Variants in GALNTL6 observed in about 807,000 individuals in gnomAD.
GALNTL6 encodes polypeptide N-acetylgalactosaminyltransferase-like 6.
Under a neutral mutation model 73.7 loss-of-function variants are expected in GALNTL6, and 46 were observed. The ratio of observed to expected loss-of-function variants is 0.62; its 90% confidence interval spans 0.49 to 0.80. GALNTL6 has a LOEUF of 0.80. GALNTL6 is among the 30% of genes least tolerant of loss of function. The probability of loss-of-function intolerance (pLI) is 0.00; values close to 1 mark genes in which losing one functional copy is unlikely to be tolerated. For synonymous variants in GALNTL6, 259 were observed against 263.7 expected (o/e 0.98, Z 0.17); for missense variants, 604 against 755.0 (o/e 0.80, Z 2.34).
intron 7 of GALNTL6, among the ~76,000 whole-genome samples, chr4:172,827,635 G>A (rs1051287873): frequency 4.6e-5 from 7 of 151,976 alleles, no homozygotes; most frequent in African/African-American, 1.5e-4. Flanking sequence ...TCATGTTCCC[G>A]CTTTCAACAA....
intron 2 of GALNTL6, among the ~76,000 whole-genome samples, chr4:171,995,072 T>C (rs114670779): frequency 0.015 from 2,319 of 152,014 alleles, 61 homozygotes; most frequent in African/African-American, 0.053. Context: ...CATAAAATTA[T>C]AGAAAATTAT....
At chr4:172,219,223 A>ATATATATATATATATATATATATATT (rs56923371) in intron 2 of GALNTL6, among the ~76,000 whole-genome samples, 1 of 142,014 alleles carries the variant, frequency 7.0e-6, no homozygotes, top group South Asian at 2.2e-4. Flanking sequence ...ATATATATAT[A>ATATATATATATATATATATATATATT]ATCCTTCTGT....
At chr4:172,095,674 T>TTTG (rs140333191) in intron 2 of GALNTL6, among the ~76,000 whole-genome samples, 2,698 of 152,138 alleles carry the variant, frequency 0.018, 69 homozygotes, top group African/African-American at 0.058. Flanking sequence ...GAATAATGGC[T>TTTG]TTTGAAACAA....
intron 5 of GALNTL6, among the ~76,000 whole-genome samples, chr4:172,806,191 G>A (rs941570921): frequency 5.3e-5 from 8 of 152,078 alleles, no homozygotes; most frequent in African/African-American, 1.9e-4. Context: ...ACCCCTCAAA[G>A]TGCAGTCAAC....
chr4:172,034,399 CGTGTGTGTGTGT>C (rs1209195765), intron 2 of GALNTL6, among the ~76,000 whole-genome samples: 1 of 33,426 alleles, frequency 3.0e-5, no homozygotes, highest in African/African-American at 9.6e-5. Context: ...AGCGTGCGTG[CGTGTGTGTGTGT>C]GTGTGTGTGT....
At chr4:172,985,200 G>A (rs1045415261) in intron 10 of GALNTL6, among the ~76,000 whole-genome samples, 2 of 151,988 alleles carry the variant, frequency 1.3e-5, no homozygotes, top group African/African-American at 4.8e-5. Flanking sequence ...AAGTGCCTTC[G>A]ACAATATAGC....
chr4:172,498,494 A>T (rs1734149347), intron 5 of GALNTL6, among the ~76,000 whole-genome samples: 1 of 152,170 alleles, frequency 6.6e-6, no homozygotes, highest in Non-Finnish European at 1.5e-5. Context: ...AGTAATTTTT[A>T]TATGTATGTT....
intron 7 of GALNTL6, among the ~76,000 whole-genome samples, chr4:172,815,802 A>G (rs1000447589): frequency 1.3e-5 from 2 of 152,152 alleles, no homozygotes; most frequent in Non-Finnish European, 2.9e-5. Context: ...GCATTCATCT[A>G]TTGCATATTA....
At chr4:171,860,787 C>T (rs758729018) in intron 2 of GALNTL6, among the ~76,000 whole-genome samples, 6 of 152,148 alleles carry the variant, frequency 3.9e-5, no homozygotes, top group Non-Finnish European at 7.4e-5. Flanking sequence ...TCCTGGAATG[C>T]AGCCCTTAAT....
chr4:171,814,501 A>G lies in GALNTL6; in HGVS notation c.-80A>G. On this transcript the variant is annotated 5_prime_UTR_variant, in exon 2 of 13. Coordinates refer to ENST00000506823, the MANE Select transcript of GALNTL6 (RefSeq NM_001034845.3). The stretch of plus-strand genomic sequence containing the variant: ...CAGTTTCTGGTGCTTCGCAGGGGAG[A>G]GGAAAGGAATTTGACATTAAACACA... 1 of 1,475,906 alleles carries G rather than the reference A, an allele frequency of 6.8e-7. No individual in the cohort carries two copies. Among genetic ancestry groups the G allele is most frequent in the Non-Finnish European group, 9.4e-7 (1 of 1,066,866 alleles). The allele number at this position is 1,475,906 out of a possible 1,614,324, so 91.4% of individuals were successfully genotyped here.
At chr4:172,413,022 G>T (rs897894323) in intron 5 of GALNTL6, among the ~76,000 whole-genome samples, 1 of 152,132 alleles carries the variant, frequency 6.6e-6, no homozygotes, top group Non-Finnish European at 1.5e-5. Context: ...CATCAAGAAA[G>T]AAACATTTTT....
intron 2 of GALNTL6, among the ~76,000 whole-genome samples, chr4:172,128,688 G>A (rs1283623455): frequency 6.6e-6 from 1 of 152,088 alleles, no homozygotes; most frequent in African/African-American, 2.4e-5. Context: ...ACTTTAGTTA[G>A]GACTGGCTAT....
chr4:172,909,315 A>T (rs556879704), intron 8 of GALNTL6, among the ~76,000 whole-genome samples: 45 of 151,126 alleles, frequency 3.0e-4, no homozygotes, highest in African/African-American at 1.1e-3. Context: ...TTTAAAAAAA[A>T]AAAAAAACTA....
At chr4:172,608,790 T>G (rs1738407659) in intron 5 of GALNTL6, among the ~76,000 whole-genome samples, 1 of 152,218 alleles carries the variant, frequency 6.6e-6, no homozygotes, top group Admixed American at 6.5e-5. Flanking sequence ...GTTTGTGTTG[T>G]CTCTGATTTC....
chr4:172,025,827 A>T (rs984594667), intron 2 of GALNTL6, among the ~76,000 whole-genome samples: 26 of 151,684 alleles, frequency 1.7e-4, no homozygotes, highest in Admixed American at 1.5e-3. Flanking sequence ...GTGTGTGTTT[A>T]ACTGTTTATG....
chr4:172,045,151 T>G (rs1197112484), intron 2 of GALNTL6, among the ~76,000 whole-genome samples: 1 of 152,092 alleles, frequency 6.6e-6, no homozygotes, highest in Non-Finnish European at 1.5e-5. Context: ...CAGTGTTTGA[T>G]TAGAATATGC....
intron 2 of GALNTL6, among the ~76,000 whole-genome samples, chr4:172,011,127 AG>A (rs898835310): frequency 1.3e-3 from 201 of 152,224 alleles, no homozygotes; most frequent in African/African-American, 4.5e-3. Context: ...AAGAAATATA[AG>A]GCTTAGAGAG....
intron 5 of GALNTL6, among the ~76,000 whole-genome samples, chr4:172,660,714 C>A (rs1369503584): frequency 3.3e-5 from 5 of 152,144 alleles, no homozygotes; most frequent in Admixed American, 1.3e-4. Flanking sequence ...TAAGCACACA[C>A]TTTGCTCAAG....
intron 5 of GALNTL6, among the ~76,000 whole-genome samples, chr4:172,628,162 A>T (rs1739244820): frequency 6.6e-6 from 1 of 151,996 alleles, no homozygotes; most frequent in African/African-American, 2.4e-5. Context: ...ACTACCCTTG[A>T]CCTCTTAATC....
Sources: gnomAD v4.1 joint callset for allele counts (sites outside exome capture counted in the v4.1 genomes callset) on GRCh38, gnomAD v4.1.1 for gene constraint, MANE v1.5 for transcripts, NCBI Gene and HGNC (gene_info 2026-07-23, HGNC 2026-07-21) for gene names.